The following EML4 variants were observed in gnomAD, a reference collection of about 807,000 sequenced individuals.
EML4 encodes the protein echinoderm microtubule-associated protein-like 4.
In EML4, 72 loss-of-function variants were observed where a neutral mutation model predicts 129.0. The observed-to-expected ratio is 0.56, with a 90% CI of 0.46 to 0.68. EML4 has a LOEUF of 0.68. EML4 is among the 30% of genes least tolerant of loss of function. The probability of loss-of-function intolerance (pLI) is 0.00; values close to 1 mark genes in which losing one functional copy is unlikely to be tolerated. For synonymous variants in EML4, 532 were observed against 405.0 expected (o/e 1.31, Z -3.77); for missense variants, 1,363 against 1,190.6 (o/e 1.14, Z -2.13).
At chr2:42,270,524 T>C (rs1666307298) in intron 6 of EML4, among the ~76,000 whole-genome samples, 1 of 152,216 alleles carries the variant, frequency 6.6e-6, no homozygotes, top group Non-Finnish European at 1.5e-5. Flanking sequence ...TTTCTGACCT[T>C]TTGGCTCCAG....
At chr2:42,176,234 T>A (rs1209668077) in intron 1 of EML4, among the ~76,000 whole-genome samples, 1 of 152,246 alleles carries the variant, frequency 6.6e-6, no homozygotes, top group Non-Finnish European at 1.5e-5. Flanking sequence ...CTAAGACTTG[T>A]CAATTCTTGT....
At chr2:42,219,442 G>A (rs1673416866) in intron 1 of EML4, among the ~76,000 whole-genome samples, 1 of 152,182 alleles carries the variant, frequency 6.6e-6, no homozygotes, top group African/African-American at 2.4e-5. Context: ...GACTGTAGAT[G>A]TCTTTGAAAA....
intron 1 of EML4, among the ~76,000 whole-genome samples, chr2:42,174,741 A>G (rs1425776169): frequency 6.6e-6 from 1 of 152,184 alleles, no homozygotes; most frequent in African/African-American, 2.4e-5. Context: ...CTTTTATCTC[A>G]TTTAATTTGC....
chr2:42,330,029 T>G lies in EML4; in HGVS notation c.2768T>G (p.Leu923Arg), dbSNP rs768352470. 2.5e-6 allele frequency: 4 copies of G among 1,613,494 alleles called. No homozygotes were observed. Among genetic ancestry groups the G allele is most frequent in the Non-Finnish European group, 3.4e-6 (4 of 1,179,958 alleles). Residue 923 changes from leucine to arginine, a missense_variant, in exon 23 of 23, where the codon CTG (leucine) becomes CGG (arginine). Coordinates refer to ENST00000318522, the MANE Select transcript of EML4 (RefSeq NM_019063.5). ...ESRISSSPTL[L>R]ENSLEQTVEP... ...AGAATAAGCAGTTCTCCCACACTTC[T>G]GGAGAACAGCCTGGAACAAACTGTG...
intron 2 of EML4, among the ~76,000 whole-genome samples, chr2:42,246,749 G>T (rs1425815171): frequency 6.6e-6 from 1 of 152,202 alleles, no homozygotes; most frequent in African/African-American, 2.4e-5. Context: ...AGGCAGTCCA[G>T]CATAGTTCCA....
intron 1 of EML4, among the ~76,000 whole-genome samples, chr2:42,233,843 A>C (rs1572596061): frequency 6.6e-6 from 1 of 152,362 alleles, no homozygotes; most frequent in East Asian, 1.9e-4. Flanking sequence ...AAAAGGAAAA[A>C]GGAAATATGA....
At chr2:42,234,442 C>A (rs1283685985) in intron 1 of EML4, among the ~76,000 whole-genome samples, 2 of 152,128 alleles carry the variant, frequency 1.3e-5, no homozygotes, top group Non-Finnish European at 2.9e-5. Flanking sequence ...GTTCCTCTAC[C>A]CTTAAGAATT....
intron 1 of EML4, among the ~76,000 whole-genome samples, chr2:42,179,867 C>T (rs1467008702): frequency 6.6e-6 from 1 of 152,144 alleles, no homozygotes; most frequent in Non-Finnish European, 1.5e-5. Flanking sequence ...TCCCAAAGTG[C>T]TGGGATTACA....
chr2:42,259,710 GTTTC>G (rs1424666717), intron 3 of EML4, among the ~76,000 whole-genome samples: 4 of 120,406 alleles, frequency 3.3e-5, no homozygotes, highest in African/African-American at 9.4e-5. Context: ...CTATGATTTT[GTTTC>G]TTTCTTTCTT....
chr2:42,184,524 A>G (rs1671133251), intron 1 of EML4, among the ~76,000 whole-genome samples: 1 of 151,382 alleles, frequency 6.6e-6, no homozygotes, highest in African/African-American at 2.4e-5. Flanking sequence ...GCTCTCACCT[A>G]CCTTTCCAGC....
intron 1 of EML4, among the ~76,000 whole-genome samples, chr2:42,224,607 A>G (rs1673831012): frequency 6.6e-6 from 1 of 152,002 alleles, no homozygotes. Context: ...CCTCTGTTTA[A>G]CCTTTTGAAG....
Position 42,294,011 on chromosome 2 carries a change from A to G in EML4, c.1219-1114A>G, listed in dbSNP as rs796484535. ...ACCCTGTAAATAAACACTAGCTAAT[A>G]ATAAGGAGCTTTACAGGCATGTAGT... On this transcript the variant is annotated intron_variant, in intron 11 of 22. Transcript: ENST00000318522. Among the ~76,000 whole-genome samples, 11 of 152,238 alleles carry G rather than the reference A, an allele frequency of 7.2e-5. 2 individuals are homozygous for G. The highest frequency in any genetic ancestry group is 5.9e-4 in the Admixed American group (9 of 15,284).
chr2:42,188,211 A>C (rs1671375891), intron 1 of EML4, among the ~76,000 whole-genome samples: 1 of 152,074 alleles, frequency 6.6e-6, no homozygotes, highest in South Asian at 2.1e-4. Flanking sequence ...AGCAAATACC[A>C]CCTTGTCTTA....
chr2:42,302,172 ATT>A (rs1417608471), intron 14 of EML4, among the ~76,000 whole-genome samples: 5 of 152,124 alleles, frequency 3.3e-5, no homozygotes, highest in African/African-American at 1.2e-4. Flanking sequence ...TTTATAATAT[ATT>A]GTTTTTTAAT....
At chr2:42,194,765 G>C (rs1671803178) in intron 1 of EML4, among the ~76,000 whole-genome samples, 1 of 151,954 alleles carries the variant, frequency 6.6e-6, no homozygotes, top group South Asian at 2.1e-4. Flanking sequence ...ACTTGTCTCA[G>C]CTCCTAAAGT....
At chr2:42,236,402 A>G (rs1674676789) in intron 1 of EML4, among the ~76,000 whole-genome samples, 1 of 152,144 alleles carries the variant, frequency 6.6e-6, no homozygotes, top group African/African-American at 2.4e-5. Context: ...ATGTCTTTTG[A>G]TGTATGTATG....
At chr2:42,286,150 G>A in intron 9 of EML4, 119 bp from the exon 10 acceptor site, 3 of 721,102 alleles carry the variant, frequency 4.2e-6, no homozygotes, top group Non-Finnish European at 7.8e-6. Context: ...TCTAAATCTA[G>A]TAATTTATTA....
chr2:42,218,655 C>G (rs957692250), intron 1 of EML4, among the ~76,000 whole-genome samples: 1 of 152,144 alleles, frequency 6.6e-6, no homozygotes, highest in Non-Finnish European at 1.5e-5. Context: ...ATAGTTAGTT[C>G]AGTGTCAGCC....
At chr2:42,250,263 G>C (rs1241478519) in intron 2 of EML4, among the ~76,000 whole-genome samples, 2 of 152,166 alleles carry the variant, frequency 1.3e-5, no homozygotes, top group African/African-American at 4.8e-5. Flanking sequence ...TTGAAATATA[G>C]GGGTCAGTTC....
Sources: gnomAD v4.1 joint callset for allele counts (sites outside exome capture counted in the v4.1 genomes callset) on GRCh38, gnomAD v4.1.1 for gene constraint, MANE v1.5 for transcripts, NCBI Gene and HGNC (gene_info 2026-07-23, HGNC 2026-07-21) for gene names.